The following PARP4 variants were observed in gnomAD, a reference collection of about 807,000 sequenced individuals.
The protein encoded by PARP4 is poly(ADP-ribose) polymerase family member 4.
PARP4 carries 120 observed loss-of-function variants against 187.7 expected under a neutral mutation model. That is an observed-to-expected ratio of 0.64 (90% CI 0.55 to 0.74). The LOEUF (loss-of-function observed/expected upper bound fraction) is 0.74, where lower values mean the gene tolerates loss of function less well. PARP4 is among the 30% of genes least tolerant of loss of function. The pLI, the probability that PARP4 is intolerant of heterozygous loss-of-function variation, is 0.00. For missense variants in PARP4, 1,836 were observed against 2,070.5 expected (o/e 0.89, Z 2.20); for synonymous variants, 654 against 740.9 (o/e 0.88, Z 1.90).
chr13:24,501,851 T>G lies in PARP4; in HGVS notation c.133-17A>C, dbSNP rs1869310688. The G allele has an allele frequency of 6.9e-7, 1 of 1,458,564 alleles. No homozygotes were observed. The highest frequency in any genetic ancestry group is 1.7e-5 in the Admixed American group (1 of 58,298). 90.4% of individuals were successfully genotyped at this position (1,458,564 alleles called of 1,614,324 possible). ...ATGTGTGCACTAAGGAAAAAAAGAG[T>G]CAATCCATTATGCATCAAGAAAAAC... On this transcript the variant is annotated splice_polypyrimidine_tract_variant and intron_variant, in intron 2 of 33. Coordinates refer to ENST00000381989, the MANE Select transcript of PARP4 (RefSeq NM_006437.4).
rs565248220 is a variant in PARP4, at chr13:24,492,131, C to T, written c.1053+290G>A. 4.6e-5 allele frequency among the ~76,000 whole-genome samples: 7 copies of T among 152,338 alleles called. No individual in the cohort carries two copies. In the South Asian group the frequency reaches 1.0e-3, roughly 23 times the overall value. Reference sequence around the variant, plus strand: ...TTAAGTCAGCTGCAGTTTCCCCTTTCTCCTGCAGAGGATCCGAACTCATTC... The same window carrying T: ...TTAAGTCAGCTGCAGTTTCCCCTTTTTCCTGCAGAGGATCCGAACTCATTC... On this transcript the variant is annotated intron_variant, in intron 9 of 33. Transcript: ENST00000381989.
intron 17 of PARP4, among the ~76,000 whole-genome samples, chr13:24,461,728 C>T (rs1313912554): frequency 6.6e-6 from 1 of 152,152 alleles, no homozygotes; most frequent in African/African-American, 2.4e-5. Context: ...GGCCACTTCC[C>T]TGGATCCTTT....
In PARP4 at chr13:24,511,199, T is replaced by C. The variant is rs1331957903; in HGVS notation, c.-2+1507A>G. 2.0e-5 allele frequency among the ~76,000 whole-genome samples: 3 copies of C among 152,314 alleles called. No individual in the cohort carries two copies. The East Asian group carries it at 5.8e-4, about 29-fold the overall frequency. ...TTTCGTGAAATCTCAAGTCAGGTCT[T>C]GACTTCTCTCTTTCCACAGATTCAT... On this transcript the variant is annotated intron_variant, in intron 1 of 33. Transcript: ENST00000381989.
intron 21 of PARP4, among the ~76,000 whole-genome samples, chr13:24,455,506 T>TATATATATATATATATATATATATCACA (rs1555234626): frequency 1.1e-3 from 143 of 135,362 alleles, no homozygotes; most frequent in South Asian, 1.6e-3. Context: ...TATATATATA[T>TATATATATATATATATATATATATCACA]CACACTATTC....
At chr13:24,504,449 G>C (rs1448891148) in intron 1 of PARP4, among the ~76,000 whole-genome samples, 1 of 151,294 alleles carries the variant, frequency 6.6e-6, no homozygotes, top group African/African-American at 2.4e-5. Flanking sequence ...GAGTAGCTGG[G>C]ACTACATGCG....
At chr13:24,457,122 G>A (rs554395284) in intron 20 of PARP4, among the ~76,000 whole-genome samples, 25 of 152,032 alleles carry the variant, frequency 1.6e-4, no homozygotes, top group African/African-American at 5.5e-4. Flanking sequence ...AATTAAAACC[G>A]AGAAGACTAA....
chr13:24,457,770 C>CAAAAAAAA (rs33930012), intron 20 of PARP4, among the ~76,000 whole-genome samples: 180 of 85,600 alleles, frequency 2.1e-3, no homozygotes, highest in Middle Eastern at 7.5e-3. Context: ...GACTCTGTCT[C>CAAAAAAAA]AAAAAAAAAA....
At chr13:24,448,728 G>A (rs987680229) in intron 25 of PARP4, among the ~76,000 whole-genome samples, 4 of 152,320 alleles carry the variant, frequency 2.6e-5, no homozygotes, top group South Asian at 2.1e-4. Context: ...AGTGTCCACC[G>A]ATAGATGAAT....
chr13:24,485,907 C>G (rs1267596737), intron 11 of PARP4, among the ~76,000 whole-genome samples: 1 of 152,074 alleles, frequency 6.6e-6, no homozygotes, highest in Non-Finnish European at 1.5e-5. Context: ...TGGTCTTGAA[C>G]CCCTGGCCTC....
intron 17 of PARP4, among the ~76,000 whole-genome samples, chr13:24,461,712 T>G: frequency 6.6e-6 from 1 of 151,528 alleles, no homozygotes; most frequent in African/African-American, 2.4e-5. Context: ...GTGTGGGAGG[T>G]GCTGGGGCCA....
At chr13:24,448,295 C>A (rs1216173056) in intron 25 of PARP4, among the ~76,000 whole-genome samples, 6 of 152,084 alleles carry the variant, frequency 3.9e-5, no homozygotes, top group Non-Finnish European at 7.4e-5. Flanking sequence ...GTAGTCCCAG[C>A]TACTCTGGAG....
At chr13:24,492,354 G>T in intron 9 of PARP4, 67 bp downstream of exon 9, 1 of 1,135,394 alleles carries the variant, frequency 8.8e-7, no homozygotes, top group Non-Finnish European at 1.3e-6. Context: ...TCATTCATCA[G>T]ATTTCTAAAG....
chr13:24,508,245 G>C (rs1344478053), intron 1 of PARP4, among the ~76,000 whole-genome samples: 1 of 152,140 alleles, frequency 6.6e-6, no homozygotes, highest in Non-Finnish European at 1.5e-5. Flanking sequence ...GCCTCTATGT[G>C]ATAATTGCAC....
At chr13:24,453,067 T>G (rs1008782668) in intron 23 of PARP4, among the ~76,000 whole-genome samples, 6 of 152,158 alleles carry the variant, frequency 3.9e-5, no homozygotes, top group African/African-American at 1.4e-4. Context: ...TCCAAGTGGC[T>G]GGGATTACAG....
At chr13:24,452,742 T>A (rs1871592464) in intron 23 of PARP4, 149 bp from the exon 24 acceptor site, 4 of 602,074 alleles carry the variant, frequency 6.6e-6, no homozygotes, top group Non-Finnish European at 1.2e-5. Flanking sequence ...TAAACTTATG[T>A]CCTTTTAGTT....
At chr13:24,491,142 T>C (rs1014757695) in intron 9 of PARP4, among the ~76,000 whole-genome samples, 1 of 151,500 alleles carries the variant, frequency 6.6e-6, no homozygotes, top group Admixed American at 6.6e-5. Context: ...TTTTTTTAGA[T>C]GGAGTTTTGC....
At chr13:24,506,851 C>T (rs1344580302) in intron 1 of PARP4, among the ~76,000 whole-genome samples, 2 of 152,228 alleles carry the variant, frequency 1.3e-5, no homozygotes, top group African/African-American at 2.4e-5. Context: ...TCGATGGGAC[C>T]GGGCGCCGGC....
At chr13:24,501,056 T>C (rs969803146) in intron 3 of PARP4, among the ~76,000 whole-genome samples, 1 of 152,190 alleles carries the variant, frequency 6.6e-6, no homozygotes, top group South Asian at 2.1e-4. Flanking sequence ...TCTGGACTAT[T>C]GTCTAAGGAG....
At chr13:24,471,011 C>T (rs942888636) in intron 15 of PARP4, among the ~76,000 whole-genome samples, 1 of 152,158 alleles carries the variant, frequency 6.6e-6, no homozygotes, top group African/African-American at 2.4e-5. Context: ...CAAGAGGAGG[C>T]AAACGTGCGT....
Sources: allele counts gnomAD v4.1 joint callset (sites outside exome capture counted in the v4.1 genomes callset), GRCh38; gene constraint gnomAD v4.1.1; transcripts MANE v1.5; gene names NCBI Gene and HGNC (gene_info 2026-07-23, HGNC 2026-07-21).